The following MPP4 variants were observed in gnomAD, a reference collection of about 807,000 sequenced individuals.
The protein encoded by MPP4 is MAGUK p55 subfamily member 4.
Under a neutral mutation model 98.3 loss-of-function variants are expected in MPP4, and 91 were observed. The observed-to-expected ratio is 0.93, with a 90% CI of 0.78 to 1.10. The LOEUF is 1.10. Among genes scored for constraint, MPP4 ranks in the 50% least tolerant of loss-of-function variants. The pLI, the probability that MPP4 is intolerant of heterozygous loss-of-function variation, is 0.00. For synonymous variants in MPP4, 261 were observed against 271.8 expected, an observed-to-expected ratio of 0.96 and a Z score of 0.39; for missense variants, 744 against 792.9, an observed-to-expected ratio of 0.94 and a Z score of 0.74.
At position 201,679,168 on chromosome 2, in the gene MPP4, T is replaced by A. The variant is rs545262072; in HGVS notation, c.929+1670A>T. 6.6e-5 allele frequency among the ~76,000 whole-genome samples: 10 copies of A among 152,210 alleles called. No individual in the cohort carries two copies. In the South Asian group the frequency reaches 8.3e-4, roughly 13 times the overall value. On this transcript the variant is annotated intron_variant, in intron 10 of 21. Coordinates refer to ENST00000409474, the MANE Select transcript of MPP4 (RefSeq NM_033066.3). ...TACTTCCTTCTCACCAATCCTCACC[T>A]GCTTCATTTCCTCATCTCCCTCCTA...
chr2:201,674,174 A>G (rs1029249077), intron 11 of MPP4, among the ~76,000 whole-genome samples: 10 of 152,250 alleles, frequency 6.6e-5, no homozygotes, highest in Admixed American at 3.3e-4. Flanking sequence ...AAGTCCTCTA[A>G]GTTGATAGAA....
intron 18 of MPP4, chr2:201,650,795 G>A (rs1687693923): frequency 7.1e-6 from 7 of 985,392 alleles, no homozygotes; most frequent in Non-Finnish European, 8.4e-6. Flanking sequence ...CAACCGAGTG[G>A]TGATTCGTTT....
At chr2:201,687,468 AT>A (rs1447749071) in intron 4 of MPP4, 97 bp from the exon 5 acceptor site, 2 of 849,968 alleles carry the variant, frequency 2.4e-6, no homozygotes, top group Non-Finnish European at 3.7e-6. Flanking sequence ...CTAACATGAT[AT>A]TGACCTTTAA....
chr2:201,679,348 C>T (rs778962786), intron 10 of MPP4, among the ~76,000 whole-genome samples: 4 of 152,154 alleles, frequency 2.6e-5, no homozygotes, highest in Non-Finnish European at 5.9e-5. Context: ...ATGCTGATCA[C>T]ACTATGTTTA....
intron 3 of MPP4, among the ~76,000 whole-genome samples, chr2:201,690,566 C>G (rs1261643119): frequency 6.6e-6 from 1 of 152,150 alleles, no homozygotes; most frequent in Non-Finnish European, 1.5e-5. Flanking sequence ...TCTTGTTAAA[C>G]AGAGTGAGGG....
intron 16 of MPP4, among the ~76,000 whole-genome samples, chr2:201,656,761 C>G (rs565635540): frequency 1.3e-5 from 2 of 152,162 alleles, no homozygotes; most frequent in Non-Finnish European, 2.9e-5. Flanking sequence ...GTTGGAGTAT[C>G]TCTGAAAGGT....
At chr2:201,678,568 G>A (rs764771648) in intron 10 of MPP4, among the ~76,000 whole-genome samples, 27 of 152,112 alleles carry the variant, frequency 1.8e-4, no homozygotes, top group Non-Finnish European at 3.1e-4. Flanking sequence ...GCCCTGACTC[G>A]GAGGCTCTGC....
rs78409641 is a variant in MPP4 at position 201,667,771 on chromosome 2, C to A, written c.1013-1399G>T. ...TAGAATAAGCTACACTATAAGGTAA[C>A]CTTTATAACACTATAAGGTGTTATC... On this transcript the variant is annotated intron_variant, in intron 12 of 21. Coordinates refer to ENST00000409474, the MANE Select transcript of MPP4 (RefSeq NM_033066.3). 3.9e-4 allele frequency among the ~76,000 whole-genome samples: 59 copies of A among 152,198 alleles called. No individual in the cohort carries two copies. In the East Asian group the frequency reaches 8.9e-3, roughly 23 times the overall value.
At chr2:201,668,071 T>A (rs1450483045) in intron 12 of MPP4, among the ~76,000 whole-genome samples, 5 of 152,196 alleles carry the variant, frequency 3.3e-5, no homozygotes, top group Non-Finnish European at 7.3e-5. Context: ...AAGTTGTTTT[T>A]CTTTAGGGCA....
At position 201,649,622 on chromosome 2, in the gene MPP4, G is replaced by A. The variant is rs758141689; in HGVS notation, c.1538C>T (p.Thr513Ile). 6.2e-7 allele frequency: 1 copy of A among 1,610,464 alleles called. No individual in the cohort carries two copies. Among genetic ancestry groups the A allele is most frequent in the Non-Finnish European group, 8.5e-7 (1 of 1,178,466 alleles). ...ACAGATCTTTCCTTCGACAAGGACT[G>A]TTTGAACAGCATCCACACTAGTGCC... is the stretch of plus-strand genomic sequence containing the variant. ...LYGTSVDAVQ[T>I]VLVEGKICVM... Residue 513 changes from threonine to isoleucine, a missense_variant, in exon 20 of 22, where the codon ACA (threonine) becomes ATA (isoleucine). Thr to Ile is a moderately conservative substitution (Grantham distance 89, BLOSUM62 -1). Transcript: ENST00000409474.
At chr2:201,670,958 C>T (rs567284902) in intron 11 of MPP4, among the ~76,000 whole-genome samples, 7 of 152,222 alleles carry the variant, frequency 4.6e-5, no homozygotes, top group South Asian at 2.1e-4. Flanking sequence ...TGAAAGGGGT[C>T]GGGGAACTCC....
rs568031653 is a variant in MPP4, at chr2:201,686,466, T to G, written c.361-416A>C. On this transcript the variant is annotated intron_variant, in intron 5 of 21. Coordinates refer to ENST00000409474, the MANE Select transcript of MPP4 (RefSeq NM_033066.3). ...CAGCAATCAAAATATCTTGCTGGTT[T>G]AATTTGTTAGTAACACTCAAGGGCT... Among the ~76,000 whole-genome samples, 3 of 152,308 alleles carry G rather than the reference T, an allele frequency of 2.0e-5. No homozygotes were observed. The East Asian group carries it at 5.8e-4, about 29-fold the overall frequency.
intron 1 of MPP4, among the ~76,000 whole-genome samples, chr2:201,696,749 T>C (rs1689198227): frequency 6.6e-6 from 1 of 152,208 alleles, no homozygotes; most frequent in African/African-American, 2.4e-5. Flanking sequence ...TAGCTTCTAA[T>C]AAATCTAGAG....
chr2:201,681,786 G>A (rs531595097), intron 8 of MPP4, among the ~76,000 whole-genome samples: 1 of 151,806 alleles, frequency 6.6e-6, no homozygotes, highest in Admixed American at 6.6e-5. Context: ...TCGCTGGTCT[G>A]CTAAAAGCCA....
At chr2:201,678,113 C>G (rs1914267) in intron 10 of MPP4, among the ~76,000 whole-genome samples, 1 of 151,842 alleles carries the variant, frequency 6.6e-6, no homozygotes, top group East Asian at 1.9e-4. Flanking sequence ...TAGGTTTTCA[C>G]GTGGCAATGA....
intron 5 of MPP4, among the ~76,000 whole-genome samples, chr2:201,686,774 A>C (rs1220769193): frequency 2.0e-5 from 3 of 152,202 alleles, no homozygotes; most frequent in Non-Finnish European, 4.4e-5. Context: ...CACTCCAAAT[A>C]CAGACATTGT....
intron 1 of MPP4, among the ~76,000 whole-genome samples, chr2:201,698,224 T>C (rs896789702): frequency 2.0e-5 from 3 of 152,192 alleles, no homozygotes; most frequent in Non-Finnish European, 2.9e-5. Flanking sequence ...TTTTTCAAAA[T>C]AGTGCTTTTT....
At chr2:201,679,761 C>T (rs1688617232) in intron 10 of MPP4, among the ~76,000 whole-genome samples, 1 of 152,260 alleles carries the variant, frequency 6.6e-6, no homozygotes, top group South Asian at 2.1e-4. Context: ...CACCACTCCA[C>T]TCTCCCCTCT....
chr2:201,657,618 T>TTTTG (rs58269844), intron 16 of MPP4, among the ~76,000 whole-genome samples: 3 of 147,006 alleles, frequency 2.0e-5, no homozygotes, highest in African/African-American at 7.6e-5. Flanking sequence ...TGTTTTTTTT[T>TTTTG]GCTTATTGTA....
Sources: gnomAD v4.1 joint callset for allele counts (sites outside exome capture counted in the v4.1 genomes callset) on GRCh38, gnomAD v4.1.1 for gene constraint, MANE v1.5 for transcripts, NCBI Gene and HGNC (gene_info 2026-07-23, HGNC 2026-07-21) for gene names.